The following NRG1 variants were observed in gnomAD, a reference collection of about 807,000 sequenced individuals.
The protein encoded by NRG1 is neuregulin 1.
NRG1 carries 18 observed loss-of-function variants against 63.8 expected under a neutral mutation model. That is an observed-to-expected ratio of 0.28 (90% CI 0.19 to 0.42). The LOEUF is 0.42. Among genes scored for constraint, NRG1 ranks in the 10% least tolerant of loss-of-function variants. The pLI, the probability that NRG1 is intolerant of heterozygous loss-of-function variation, is 1.00. For synonymous variants in NRG1, 302 were observed against 301.3 expected, an observed-to-expected ratio of 1.00 and a Z score of -0.02; for missense variants, 762 against 814.7, an observed-to-expected ratio of 0.94 and a Z score of 0.79.
intron 2 of NRG1, among the ~76,000 whole-genome samples, chr8:32,601,155 G>C (rs1844285772): frequency 1.3e-5 from 2 of 152,046 alleles, no homozygotes; most frequent in African/African-American, 4.8e-5. Flanking sequence ...TGCTCCTTGA[G>C]GTCAGTGGTT....
intron 5 of NRG1, among the ~76,000 whole-genome samples, chr8:32,717,874 C>G (rs1819643304): frequency 6.6e-6 from 1 of 152,144 alleles, no homozygotes; most frequent in African/African-American, 2.4e-5. Context: ...CTAGAACCCA[C>G]TTTTTGCTAC....
At chr8:32,525,331 T>C (rs1303531457) in intron 1 of NRG1, among the ~76,000 whole-genome samples, 1 of 151,966 alleles carries the variant, frequency 6.6e-6, no homozygotes, top group Non-Finnish European at 1.5e-5. Context: ...AGTCAGTCTT[T>C]TGTCACAAGG....
intron 1 of NRG1, among the ~76,000 whole-genome samples, chr8:32,261,689 T>G (rs1032876023): frequency 1.3e-5 from 2 of 152,120 alleles, no homozygotes; most frequent in African/African-American, 4.8e-5. Flanking sequence ...CCCCCTTGTA[T>G]TGGACGGTAA....
intron 1 of NRG1, among the ~76,000 whole-genome samples, chr8:31,679,090 C>T (rs76581179): frequency 6.6e-6 from 1 of 152,044 alleles, no homozygotes; most frequent in Admixed American, 6.6e-5. Flanking sequence ...GATACTTACT[C>T]TCTTTGCACA....
intron 5 of NRG1, among the ~76,000 whole-genome samples, chr8:32,677,411 C>T (rs1256572997): frequency 6.6e-6 from 1 of 152,114 alleles, no homozygotes; most frequent in African/African-American, 2.4e-5. Context: ...AATCCCAGCA[C>T]TTTGGGAAGC....
intron 1 of NRG1, among the ~76,000 whole-genome samples, chr8:31,925,171 T>TACGTATATATACATATATATGTATACATA (rs1585805953): frequency 6.7e-6 from 1 of 148,504 alleles, no homozygotes; most frequent in African/African-American, 2.5e-5. Context: ...TATACATATA[T>TACGTATATATACATATATATGTATACATA]TTGCTTTTGA....
intron 1 of NRG1, among the ~76,000 whole-genome samples, chr8:32,439,442 A>T (rs1369285816): frequency 1.3e-5 from 2 of 152,136 alleles, no homozygotes; most frequent in African/African-American, 4.8e-5. Flanking sequence ...TTTGATGAAA[A>T]AGAAAGATAA....
intron 1 of NRG1, among the ~76,000 whole-genome samples, chr8:31,927,558 C>T (rs901148577): frequency 6.7e-6 from 1 of 148,228 alleles, no homozygotes; most frequent in Non-Finnish European, 1.5e-5. Context: ...ACGCCATTCT[C>T]CTGCCTCAGC....
intron 1 of NRG1, among the ~76,000 whole-genome samples, chr8:32,557,969 G>T (rs1385756289): frequency 6.6e-6 from 1 of 152,152 alleles, no homozygotes; most frequent in Non-Finnish European, 1.5e-5. Context: ...AATGTCAATA[G>T]AAATAGTTAC....
At chr8:32,532,291 C>A (rs1420589252) in intron 1 of NRG1, among the ~76,000 whole-genome samples, 34 of 152,132 alleles carry the variant, frequency 2.2e-4, no homozygotes, top group Admixed American at 2.2e-3. Flanking sequence ...TCAGAAGATT[C>A]CCCAAGATTT....
At chr8:32,454,834 C>G (rs1027341473) in intron 1 of NRG1, among the ~76,000 whole-genome samples, 13 of 152,134 alleles carry the variant, frequency 8.5e-5, no homozygotes, top group Non-Finnish European at 1.9e-4. Context: ...ACTGACTCAC[C>G]CAGAGCAATG....
intron 1 of NRG1, among the ~76,000 whole-genome samples, chr8:31,935,727 C>G (rs1563588043): frequency 6.6e-6 from 1 of 152,214 alleles, no homozygotes; most frequent in Non-Finnish European, 1.5e-5. Flanking sequence ...CGAGGCCAGA[C>G]AGCAGCATCT....
At chr8:32,284,330 T>G (rs1853239283) in intron 1 of NRG1, among the ~76,000 whole-genome samples, 1 of 152,146 alleles carries the variant, frequency 6.6e-6, no homozygotes, top group African/African-American at 2.4e-5. Context: ...GACCCCACAC[T>G]CTGCTCTTTG....
intron 1 of NRG1, among the ~76,000 whole-genome samples, chr8:31,860,982 A>C (rs1447391486): frequency 6.6e-6 from 1 of 152,206 alleles, no homozygotes; most frequent in Non-Finnish European, 1.5e-5. Flanking sequence ...GACTGTTTCT[A>C]CTCCACAAAA....
chr8:32,094,925 T>C (rs1298256051), intron 1 of NRG1, among the ~76,000 whole-genome samples: 1 of 151,520 alleles, frequency 6.6e-6, no homozygotes, highest in East Asian at 1.9e-4. Flanking sequence ...TTTTTTTTTT[T>C]TTTTTGAGAT....
chr8:31,963,316 A>C (rs1332345930), intron 1 of NRG1, among the ~76,000 whole-genome samples: 1 of 152,214 alleles, frequency 6.6e-6, no homozygotes, highest in Non-Finnish European at 1.5e-5. Flanking sequence ...TTTCAAGTGA[A>C]TAGAATGTGC....
chr8:31,899,763 C>T (rs1831918375), intron 1 of NRG1, among the ~76,000 whole-genome samples: 1 of 152,038 alleles, frequency 6.6e-6, no homozygotes, highest in Non-Finnish European at 1.5e-5. Context: ...ATTATAAAAA[C>T]ACATACACAC....
chr8:32,619,783 TG>T (rs1275375637), intron 5 of NRG1, among the ~76,000 whole-genome samples: 2 of 152,240 alleles, frequency 1.3e-5, no homozygotes, highest in Admixed American at 1.3e-4. Context: ...TTGTTTTACT[TG>T]TTTTTTTATA....
In NRG1 at chr8:32,605,796, A is replaced by G; in HGVS notation, c.400+113A>G. The G allele has an allele frequency of 2.4e-6, 3 of 1,251,686 alleles. No homozygotes were observed. In the South Asian group the frequency reaches 4.6e-5, roughly 19 times the overall value. 77.5% of individuals were successfully genotyped at this position (1,251,686 alleles called of 1,614,324 possible). On this transcript the variant is annotated intron_variant, in intron 3 of 11. Transcript: ENST00000356819. ...AAATCTCATTGTGAACAAATTAAAAACAGAGAAAGAAAACCAGATGTTTCA... is the reference window on the plus strand; with the variant it reads ...AAATCTCATTGTGAACAAATTAAAAGCAGAGAAAGAAAACCAGATGTTTCA...
Sources: allele counts gnomAD v4.1 joint callset (sites outside exome capture counted in the v4.1 genomes callset), GRCh38; gene constraint gnomAD v4.1.1; transcripts MANE v1.5; gene names NCBI Gene and HGNC (gene_info 2026-07-23, HGNC 2026-07-21).